Variants in WRN observed in about 807,000 individuals in gnomAD.
The protein encoded by WRN is bifunctional 3'-5' exonuclease/ATP-dependent helicase WRN.
In WRN, 149 loss-of-function variants were observed where a neutral mutation model predicts 180.7. The ratio of observed to expected loss-of-function variants is 0.82; its 90% CI spans 0.72 to 0.94. The LOEUF (loss-of-function observed/expected upper bound fraction) is 0.94, where lower values mean the gene tolerates loss of function less well. Ranked by LOEUF, WRN falls within the 40% of genes least tolerant of loss-of-function variation. WRN has a pLI of 0.00. For missense variants in WRN, 1,661 were observed against 1,700.1 expected (o/e 0.98, Z 0.40); for synonymous variants, 548 against 568.9 (o/e 0.96, Z 0.52).
intron 16 of WRN, among the ~76,000 whole-genome samples, chr8:31,095,703 G>T (rs1813937764): frequency 6.6e-6 from 1 of 151,954 alleles, no homozygotes; most frequent in Admixed American, 6.6e-5. Flanking sequence ...CATATATGTG[G>T]GTCTATTGCT....
chr8:31,100,608 CT>C (rs1027060421), intron 17 of WRN, among the ~76,000 whole-genome samples: 1 of 152,146 alleles, frequency 6.6e-6, no homozygotes, highest in Non-Finnish European at 1.5e-5. Context: ...CAATAAATGT[CT>C]TGTTTGGATT....
intron 34 of WRN, among the ~76,000 whole-genome samples, chr8:31,170,802 A>G (rs1466714062): frequency 1.3e-5 from 2 of 152,182 alleles, no homozygotes; most frequent in African/African-American, 4.8e-5. Context: ...GACTTCAAAT[A>G]CTTATTGTTG....
intron 33 of WRN, among the ~76,000 whole-genome samples, chr8:31,166,054 G>GT (rs764976020): frequency 6.6e-6 from 1 of 151,792 alleles, no homozygotes. Flanking sequence ...GTTTTGTTTT[G>GT]TTTTTTGCTT....
chr8:31,119,330 C>T (rs907123568), intron 20 of WRN, among the ~76,000 whole-genome samples: 2 of 151,938 alleles, frequency 1.3e-5, no homozygotes, highest in East Asian at 3.9e-4. Flanking sequence ...TTCCCATTCA[C>T]AACCTTTTTA....
Position 31,147,477 on chromosome 8 carries a change from G to T in WRN, c.3572+1G>T, listed in dbSNP as rs2130441377. 1 of 1,594,714 alleles carries T rather than the reference G, an allele frequency of 6.3e-7. No homozygotes were observed. Among genetic ancestry groups the T allele is most frequent in the Non-Finnish European group, 8.5e-7 (1 of 1,170,378 alleles). Reference sequence around the variant, plus strand: ...TACTGGTGGATATGGCCAAAATGAGGTAAACTATCTTTTGCATGTGTTCTA... The same window carrying T: ...TACTGGTGGATATGGCCAAAATGAGTTAAACTATCTTTTGCATGTGTTCTA... On this transcript the variant is annotated splice_donor_variant, in intron 30 of 34. Coordinates refer to ENST00000298139, the MANE Select transcript of WRN (RefSeq NM_000553.6). LOFTEE classifies it high-confidence loss of function.
chr8:31,092,262 A>T (rs942229525), intron 16 of WRN, among the ~76,000 whole-genome samples: 3 of 152,058 alleles, frequency 2.0e-5, no homozygotes, highest in African/African-American at 4.8e-5. Context: ...GGAGAATATA[A>T]AGATTTGTCT....
chr8:31,061,896 C>T (rs1251519567), intron 3 of WRN, among the ~76,000 whole-genome samples: 3 of 152,134 alleles, frequency 2.0e-5, no homozygotes, highest in African/African-American at 2.4e-5. Context: ...TGCTTGTCTT[C>T]GTATTCTGCA....
intron 7 of WRN, among the ~76,000 whole-genome samples, chr8:31,074,106 T>A (rs1354678079): frequency 6.6e-6 from 1 of 151,582 alleles, no homozygotes; most frequent in Admixed American, 6.6e-5. Flanking sequence ...TTTGTATTTT[T>A]AGTAGAGACG....
At chr8:31,101,787 CAAAAAAAAAA>C (rs60342321) in intron 18 of WRN, among the ~76,000 whole-genome samples, 2 of 42,056 alleles carry the variant, frequency 4.8e-5, no homozygotes, top group African/African-American at 1.7e-4. Flanking sequence ...AACTCTGTCT[CAAAAAAAAAA>C]AAAAAAAAAA....
chr8:31,097,549 G>A (rs1280553291), intron 17 of WRN, among the ~76,000 whole-genome samples: 2 of 152,160 alleles, frequency 1.3e-5, no homozygotes, highest in Non-Finnish European at 2.9e-5. Context: ...GTCAAAAGCT[G>A]ATAGCACTTT....
intron 28 of WRN, 40 bp from the exon 29 acceptor site, chr8:31,147,013 A>G (rs1352247933): frequency 1.3e-6 from 2 of 1,528,884 alleles, no homozygotes; most frequent in African/African-American, 1.4e-5. Context: ...ATGAGGAGAA[A>G]GAAAAGCTTT....
At chr8:31,038,634 A>G (rs1412872743) in intron 1 of WRN, among the ~76,000 whole-genome samples, 3 of 152,080 alleles carry the variant, frequency 2.0e-5, no homozygotes, top group South Asian at 2.1e-4. Context: ...CCCAAATCCA[A>G]TGCCATGAAG....
chr8:31,158,370 T>C (rs1803472174), intron 33 of WRN, among the ~76,000 whole-genome samples: 1 of 151,708 alleles, frequency 6.6e-6, no homozygotes, highest in African/African-American at 2.4e-5. Context: ...CAAGCCCCTT[T>C]GCTTGCCCTG....
At chr8:31,151,846 C>A (rs1271417827) in intron 31 of WRN, among the ~76,000 whole-genome samples, 1 of 151,676 alleles carries the variant, frequency 6.6e-6, no homozygotes, top group African/African-American at 2.4e-5. Context: ...TAAAAAAAAA[C>A]AACTTTAATG....
chr8:31,165,449 C>T (rs189732148), intron 33 of WRN, among the ~76,000 whole-genome samples: 4 of 151,882 alleles, frequency 2.6e-5, no homozygotes, highest in Admixed American at 2.6e-4. Context: ...TTTCTAGTAG[C>T]CACATTTTAA....
At chr8:31,105,283 C>T (rs183477417) in intron 18 of WRN, among the ~76,000 whole-genome samples, 2 of 152,182 alleles carry the variant, frequency 1.3e-5, no homozygotes, top group East Asian at 1.9e-4. Flanking sequence ...TTAGTAGTCA[C>T]ATAGGACAGC....
Position 31,087,807 on chromosome 8 carries a change from A to T in WRN, c.1463A>T (p.Glu488Val). The change falls in exon 12 of 35, where the codon GAA becomes GTA. Residue 488 changes from glutamate to valine, a missense_variant. Glu to Val is a moderately radical substitution (Grantham distance 121). Around this residue, in one of 3 missense-constraint regions of WRN, gnomAD observed 1,141 missense variants for 1,149.4 expected, o/e 0.99. Coordinates refer to ENST00000298139, the MANE Select transcript of WRN (RefSeq NM_000553.6). Reference sequence around the variant, plus strand: ...GAAAACCTCAATAGTGGCACGGTAGAACCAACTCATTCTAAATGCTTAAAA... The same window carrying T: ...GAAAACCTCAATAGTGGCACGGTAGTACCAACTCATTCTAAATGCTTAAAA... ...SLENLNSGTV[E>V]PTHSKCLKME... 6.2e-7 allele frequency: 1 copy of T among 1,613,740 alleles called. No individual in the cohort carries two copies. The highest frequency in any genetic ancestry group is 8.5e-7 in the Non-Finnish European group (1 of 1,179,790).
At chr8:31,101,082 C>T in intron 18 of WRN, 127 bp downstream of exon 18, 1 of 792,736 alleles carries the variant, frequency 1.3e-6, no homozygotes, top group Non-Finnish European at 2.1e-6. Context: ...AAAAAGAGAA[C>T]TATTTTTTTA....
In WRN at chr8:31,097,994, A is replaced by G. The variant is rs113974189; in HGVS notation, c.1981+1144A>G. Among the ~76,000 whole-genome samples, 177 of 152,312 alleles carry G rather than the reference A, an allele frequency of 1.2e-3. 1 individual carries two copies. Among genetic ancestry groups the G allele is most frequent in the African/African-American group, 3.9e-3 (162 of 41,572 alleles). ...AACGTCTCATTTAATGGTTACTTTCATATAACTGTAGGAAAGCATTTGATA... is the reference window on the plus strand; with the variant it reads ...AACGTCTCATTTAATGGTTACTTTCGTATAACTGTAGGAAAGCATTTGATA... On this transcript the variant is annotated intron_variant, in intron 17 of 34. Transcript: ENST00000298139.
Sources: allele counts gnomAD v4.1 joint callset (sites outside exome capture counted in the v4.1 genomes callset), GRCh38; gene constraint gnomAD v4.1.1; regional missense constraint gnomAD v4.1.1; transcripts MANE v1.5; gene names NCBI Gene and HGNC (gene_info 2026-07-23, HGNC 2026-07-21).